KSR2: variants seen among roughly 807,000 people sequenced by gnomAD.
KSR2 encodes kinase suppressor of ras 2.
KSR2 carries 25 observed loss-of-function variants against 107.8 expected under a neutral mutation model. The ratio of observed to expected loss-of-function variants is 0.23; its 90% CI spans 0.17 to 0.32. The LOEUF (loss-of-function observed/expected upper bound fraction) is 0.32. Among genes scored for constraint, KSR2 ranks in the 10% least tolerant of loss-of-function variants. KSR2 has a pLI of 1.00. For synonymous variants in KSR2, 480 were observed against 507.0 expected, an observed-to-expected ratio of 0.95 and a Z score of 0.71; for missense variants, 887 against 1,268.9, an observed-to-expected ratio of 0.70 and a Z score of 4.57.
At chr12:117,785,116 C>T (rs544026590) in intron 3 of KSR2, among the ~76,000 whole-genome samples, 13 of 152,128 alleles carry the variant, frequency 8.5e-5, no homozygotes, top group South Asian at 4.1e-4. Flanking sequence ...AATTTTCAAA[C>T]GCAAAAGCAA....
At chr12:117,715,514 C>T (rs1886945773) in intron 4 of KSR2, among the ~76,000 whole-genome samples, 1 of 152,176 alleles carries the variant, frequency 6.6e-6, no homozygotes, top group African/African-American at 2.4e-5. Flanking sequence ...GGGCCAGCCA[C>T]TGGGACAGGC....
At chr12:117,545,421 A>T (rs567625470) in intron 9 of KSR2, among the ~76,000 whole-genome samples, 9 of 152,138 alleles carry the variant, frequency 5.9e-5, no homozygotes, top group Admixed American at 5.9e-4. Flanking sequence ...CCATCTGGAG[A>T]TTTCTTTTTT....
chr12:117,906,645 C>G (rs1030694952), intron 1 of KSR2, among the ~76,000 whole-genome samples: 4 of 151,924 alleles, frequency 2.6e-5, no homozygotes, highest in Admixed American at 6.6e-5. Flanking sequence ...AGTTTCTACT[C>G]TAGGGAGGTA....
Position 117,471,328 on chromosome 12 carries a change from C to G in KSR2, c.2583-8G>C. Reference sequence around the variant, plus strand: ...AGTTCATACCAGATTGTGCTGTTGGCAGACGTTGTTAAAGGGGTGTTGGTG... The same window carrying G: ...AGTTCATACCAGATTGTGCTGTTGGGAGACGTTGTTAAAGGGGTGTTGGTG... On this transcript the variant is annotated splice_polypyrimidine_tract_variant and splice_region_variant and intron_variant, in intron 17 of 19. Coordinates refer to ENST00000339824, the MANE Select transcript of KSR2 (RefSeq NM_173598.6). The G allele has an allele frequency of 6.2e-7, 1 of 1,611,204 alleles. No individual in the cohort carries two copies. Among genetic ancestry groups the G allele is most frequent in the Middle Eastern group, 1.7e-4 (1 of 6,008 alleles).
chr12:117,763,088 T>C (rs1889104861), intron 3 of KSR2, among the ~76,000 whole-genome samples: 1 of 151,864 alleles, frequency 6.6e-6, no homozygotes, highest in African/African-American at 2.4e-5. Context: ...CCCCTTCCTG[T>C]GTCCATGTGT....
chr12:117,508,877 G>T (rs532685989), intron 14 of KSR2, among the ~76,000 whole-genome samples: 3 of 147,010 alleles, frequency 2.0e-5, no homozygotes, highest in African/African-American at 7.4e-5. Context: ...TAGATGGATA[G>T]ATGGGTGGAT....
intron 5 of KSR2, among the ~76,000 whole-genome samples, chr12:117,630,232 T>C (rs373917535): frequency 6.6e-6 from 1 of 152,314 alleles, no homozygotes; most frequent in East Asian, 1.9e-4. Context: ...GGCCAACAGA[T>C]GACACATACT....
chr12:117,863,602 C>T (rs1242303491), intron 1 of KSR2, among the ~76,000 whole-genome samples: 1 of 152,208 alleles, frequency 6.6e-6, no homozygotes, highest in Non-Finnish European at 1.5e-5. Context: ...GGAGTCTTGG[C>T]ATCCCTGGTA....
chr12:117,839,362 G>T (rs368128620), intron 3 of KSR2, among the ~76,000 whole-genome samples: 3 of 152,130 alleles, frequency 2.0e-5, no homozygotes, highest in African/African-American at 4.8e-5. Context: ...CTGGTACCCC[G>T]CAATTTACTG....
intron 5 of KSR2, among the ~76,000 whole-genome samples, chr12:117,634,986 C>T (rs1408266676): frequency 6.6e-6 from 1 of 152,128 alleles, no homozygotes; most frequent in African/African-American, 2.4e-5. Context: ...GGAGGCAATG[C>T]CACATACAAG....
Position 117,526,094 on chromosome 12 carries a change from G to A in KSR2, c.1852-875C>T, listed in dbSNP as rs367997986. 4.6e-5 allele frequency among the ~76,000 whole-genome samples: 7 copies of A among 152,288 alleles called. No individual in the cohort carries two copies. In the East Asian group the frequency reaches 1.2e-3, roughly 25 times the overall value. On this transcript the variant is annotated intron_variant, in intron 13 of 19. Transcript: ENST00000339824. ...GACCTGACCATCTGTATTAAACACC[G>A]ACTGGGAGGCCCGAGAAAATGCAGA...
chr12:117,682,062 T>C (rs1003253466), intron 4 of KSR2, among the ~76,000 whole-genome samples: 1 of 152,168 alleles, frequency 6.6e-6, no homozygotes, highest in African/African-American at 2.4e-5. Context: ...ATGTGGTACA[T>C]ATACAACGTG....
intron 1 of KSR2, among the ~76,000 whole-genome samples, chr12:117,862,862 T>G (rs1893355566): frequency 6.6e-6 from 1 of 151,850 alleles, no homozygotes. Context: ...CCCGAGTAGC[T>G]GGCACTACAG....
rs553648021 is a variant in KSR2, at chr12:117,526,145, G to A, written c.1851+926C>T. On this transcript the variant is annotated intron_variant, in intron 13 of 19. Coordinates refer to ENST00000339824, the MANE Select transcript of KSR2 (RefSeq NM_173598.6). The stretch of plus-strand genomic sequence containing the variant: ...TTCCTGGGCCCCACCCAGCACTATT[G>A]GATCAAAATATCCGCAGGCCAGGAC... Among the ~76,000 whole-genome samples, 4 of 152,158 alleles carry A rather than the reference G, an allele frequency of 2.6e-5. No individual in the cohort carries two copies. In the South Asian group the frequency reaches 8.3e-4, roughly 32 times the overall value.
At chr12:117,866,339 C>T (rs926649062) in intron 1 of KSR2, among the ~76,000 whole-genome samples, 2 of 152,296 alleles carry the variant, frequency 1.3e-5, no homozygotes, top group African/African-American at 4.8e-5. Context: ...AGGCATGGGC[C>T]ACTGCTCTCT....
chr12:117,858,481 G>C (rs868447891), intron 2 of KSR2, among the ~76,000 whole-genome samples: 4 of 152,150 alleles, frequency 2.6e-5, no homozygotes, highest in Non-Finnish European at 5.9e-5. Context: ...GGAATGGAGC[G>C]GGGTGATGCT....
chr12:117,495,743 C>G (rs1366820664), intron 14 of KSR2, among the ~76,000 whole-genome samples: 1 of 152,162 alleles, frequency 6.6e-6, no homozygotes, highest in Non-Finnish European at 1.5e-5. Flanking sequence ...AGAACTGAAT[C>G]TGATTTTGCT....
Position 117,761,431 on chromosome 12 carries a change from G to C in KSR2, c.566C>G (p.Pro189Arg). The C allele has an allele frequency of 6.2e-7, 1 of 1,612,588 alleles. No homozygotes were observed. The change falls in exon 4 of 20, where the codon CCG becomes CGG. Residue 189 changes from proline to arginine, a missense_variant. By Grantham distance (103) the Pro-to-Arg change is moderately radical. Coordinates refer to ENST00000339824, the MANE Select transcript of KSR2 (RefSeq NM_173598.6). ...NNPVCPPEPT[P>R]WIRTHLSQSP... ...CTGGGAGAGATGGGTGCGGATCCACGGGGTGGGCTCCGGGGGGCACACGGG... is the reference window on the plus strand; with the variant it reads ...CTGGGAGAGATGGGTGCGGATCCACCGGGTGGGCTCCGGGGGGCACACGGG...
chr12:117,507,058 C>T (rs1873738579), intron 14 of KSR2, among the ~76,000 whole-genome samples: 1 of 152,150 alleles, frequency 6.6e-6, no homozygotes, highest in African/African-American at 2.4e-5. Flanking sequence ...GGAAAAAAGT[C>T]TCTCATTTTC....
Sources: gnomAD v4.1 joint callset for allele counts (sites outside exome capture counted in the v4.1 genomes callset) on GRCh38, gnomAD v4.1.1 for gene constraint, MANE v1.5 for transcripts, NCBI Gene and HGNC (gene_info 2026-07-23, HGNC 2026-07-21) for gene names.